BDKRB2: variants seen among roughly 807,000 people sequenced by gnomAD.
The protein encoded by BDKRB2 is B2 bradykinin receptor.
In BDKRB2, 6 loss-of-function variants were observed where a neutral mutation model predicts 4.0. The observed-to-expected ratio is 1.49, with a 90% confidence interval of 0.81 to 2.93. The LOEUF is 2.93. BDKRB2 is among the 30% of genes most tolerant of loss of function. BDKRB2 has a pLI of 0.00. For synonymous variants in BDKRB2, 225 were observed against 215.3 expected (o/e 1.05, Z -0.40); for missense variants, 478 against 520.1 (o/e 0.92, Z 0.79).
intron 1 of BDKRB2, among the ~76,000 whole-genome samples, chr14:96,232,124 G>A (rs1042709119): frequency 2.0e-5 from 3 of 152,184 alleles, no homozygotes; most frequent in African/African-American, 4.8e-5. Flanking sequence ...TAAAGCAGAC[G>A]GGCCTCCTGG....
At chr14:96,222,124 G>T (rs937254887) in intron 1 of BDKRB2, among the ~76,000 whole-genome samples, 1 of 152,040 alleles carries the variant, frequency 6.6e-6, no homozygotes, top group Non-Finnish European at 1.5e-5. Context: ...ATGGCTCACA[G>T]CATCAGGGAA....
At chr14:96,240,110 C>T (rs980148877) in intron 2 of BDKRB2, 2 of 1,137,390 alleles carry the variant, frequency 1.8e-6, no homozygotes, top group Middle Eastern at 7.3e-4. Context: ...GTCAAGGGTC[C>T]AACACTTGAG....
intron 1 of BDKRB2, among the ~76,000 whole-genome samples, chr14:96,224,511 C>T (rs532796800): frequency 2.2e-4 from 33 of 152,268 alleles, no homozygotes; most frequent in African/African-American, 4.6e-4. Flanking sequence ...CACATTGTCA[C>T]GGTGCTCCCA....
chr14:96,204,872 G>T lies in BDKRB2; in HGVS notation c.-127G>T, dbSNP rs1408173596. On this transcript the variant is annotated 5_prime_UTR_variant, in exon 1 of 3. Transcript: ENST00000554311. Reference sequence around the variant, plus strand: ...TCTGGCTTCTGGGCTCCGAGGAGGGGTGGGGACGGTGGGGACGGTGGGGAC... The same window carrying T: ...TCTGGCTTCTGGGCTCCGAGGAGGGTTGGGGACGGTGGGGACGGTGGGGAC... The T allele has an allele frequency of 2.4e-5, 2 of 84,826 alleles. No homozygotes were observed. Among genetic ancestry groups the T allele is most frequent in the South Asian group, 1.5e-4 (1 of 6,530 alleles). 5.3% of individuals were successfully genotyped at this position (84,826 alleles called of 1,614,324 possible).
Position 96,241,215 on chromosome 14 carries a change from A to G in BDKRB2, c.887A>G (p.His296Arg), listed in dbSNP as rs1001773730. 1 of 1,609,566 alleles carries G rather than the reference A, an allele frequency of 6.2e-7. No individual in the cohort carries two copies. Among genetic ancestry groups the G allele is most frequent in the African/African-American group, 1.3e-5 (1 of 74,894 alleles). The change falls in exon 3 of 3, where the codon CAT becomes CGT. Residue 296 changes from histidine to arginine, a missense_variant. Physicochemically the swap from His to Arg is conservative, Grantham distance 29. Coordinates refer to ENST00000554311, the MANE Select transcript of BDKRB2 (RefSeq NM_001379692.1). ...ATCAGCACCTTCCTGGATACGCTGC[A>G]TCGCCTCGGCATCCTCTCCAGCTGC... ...FQISTFLDTL[H>R]RLGILSSCQD...
chr14:96,215,152 A>C (rs1890389333), intron 1 of BDKRB2, among the ~76,000 whole-genome samples: 1 of 152,224 alleles, frequency 6.6e-6, no homozygotes, highest in Admixed American at 6.5e-5. Flanking sequence ...CCCATGCTCA[A>C]AGACAACCAG....
At position 96,212,581 on chromosome 14, in the gene BDKRB2, T is replaced by C. The variant is rs573257403; in HGVS notation, c.-40+7622T>C. ...AGAAGGGCAATCCCAGGAAGTGCTA[T>C]GTGCTATGCAGAGAATTAGAATAAG... is the stretch of plus-strand genomic sequence containing the variant. On this transcript the variant is annotated intron_variant, in intron 1 of 2. Transcript: ENST00000554311. 3.3e-5 allele frequency among the ~76,000 whole-genome samples: 5 copies of C among 152,318 alleles called. No individual in the cohort carries two copies. In the East Asian group the frequency reaches 5.8e-4, roughly 18 times the overall value.
Position 96,241,390 on chromosome 14 carries a change from G to A in BDKRB2, c.1062G>A (p.Gly354=), listed in dbSNP as rs143778180. Residue 354 remains glycine, a synonymous_variant, in exon 3 of 3, where the codon GGG becomes GGA. Transcript: ENST00000554311. The part of the protein sequence containing the change: ...WEVYQGVCQK[G]GCRSEPIQME... ...TGTACCAGGGAGTGTGCCAGAAAGG[G>A]GGCTGCAGGTCAGAACCCATTCAGA... is the stretch of plus-strand genomic sequence containing the variant. The A allele has an allele frequency of 4.3e-4, 695 of 1,612,836 alleles. No individual in the cohort carries two copies. The highest frequency in any genetic ancestry group is 5.5e-4 in the Non-Finnish European group (651 of 1,179,998).
intron 2 of BDKRB2, chr14:96,238,681 G>A: frequency 7.2e-6 from 7 of 969,534 alleles, no homozygotes; most frequent in Non-Finnish European, 8.6e-6. Flanking sequence ...CCTCTGCTCA[G>A]GCTGTTCCCC....
At chr14:96,219,205 G>A (rs1890497989) in intron 1 of BDKRB2, among the ~76,000 whole-genome samples, 1 of 151,926 alleles carries the variant, frequency 6.6e-6, no homozygotes, top group African/African-American at 2.4e-5. Flanking sequence ...AGAAGGCTGA[G>A]GCAGGAGAAT....
intron 2 of BDKRB2, 112 bp from the exon 3 acceptor site, chr14:96,240,291 G>A (rs536218985): frequency 2.4e-5 from 32 of 1,340,910 alleles, no homozygotes; most frequent in African/African-American, 4.4e-5. Flanking sequence ...GCTCCACCTC[G>A]GCTTCTCCTT....
intron 2 of BDKRB2, among the ~76,000 whole-genome samples, chr14:96,237,428 T>G (rs994023218): frequency 1.3e-5 from 2 of 152,184 alleles, no homozygotes; most frequent in Non-Finnish European, 2.9e-5. Context: ...TTGTCATATG[T>G]GATCTATCCC....
chr14:96,224,153 G>A (rs1161354045), intron 1 of BDKRB2, among the ~76,000 whole-genome samples: 2 of 151,246 alleles, frequency 1.3e-5, no homozygotes, highest in Admixed American at 6.6e-5. Context: ...GAGGGGTAAG[G>A]TAGGTTTGGG....
intron 1 of BDKRB2, among the ~76,000 whole-genome samples, chr14:96,218,590 G>C (rs533815685): frequency 6.6e-6 from 1 of 152,124 alleles, no homozygotes; most frequent in Non-Finnish European, 1.5e-5. Flanking sequence ...ACTCGCTGAG[G>C]CTGGGTTTCC....
intron 1 of BDKRB2, among the ~76,000 whole-genome samples, chr14:96,227,346 T>C (rs1215623539): frequency 2.0e-5 from 3 of 152,174 alleles, no homozygotes; most frequent in African/African-American, 7.2e-5. Context: ...ATTATCCCCA[T>C]TTGACACATG....
At chr14:96,231,465 C>A (rs1890817176) in intron 1 of BDKRB2, among the ~76,000 whole-genome samples, 1 of 152,176 alleles carries the variant, frequency 6.6e-6, no homozygotes, top group Non-Finnish European at 1.5e-5. Flanking sequence ...GTTGTTGAGG[C>A]TCATATGGTT....
chr14:96,230,507 G>A (rs1390031509), intron 1 of BDKRB2, among the ~76,000 whole-genome samples: 4 of 151,806 alleles, frequency 2.6e-5, no homozygotes, highest in Admixed American at 2.0e-4. Flanking sequence ...TGATTCTCCC[G>A]CCTCAGCCCC....
At chr14:96,217,611 C>G (rs1890455569) in intron 1 of BDKRB2, among the ~76,000 whole-genome samples, 1 of 152,250 alleles carries the variant, frequency 6.6e-6, no homozygotes. Context: ...AACTGGGTCC[C>G]CCATCTTGCA....
chr14:96,217,116 T>C (rs1890445567), intron 1 of BDKRB2, among the ~76,000 whole-genome samples: 1 of 152,174 alleles, frequency 6.6e-6, no homozygotes, highest in South Asian at 2.1e-4. Context: ...TCAGCAAACA[T>C]TCAGTGATAG....
Sources: allele counts gnomAD v4.1 joint callset (sites outside exome capture counted in the v4.1 genomes callset), GRCh38; gene constraint gnomAD v4.1.1; transcripts MANE v1.5; gene names NCBI Gene and HGNC (gene_info 2026-07-23, HGNC 2026-07-21).